The following CNTN4 variants were observed in gnomAD, a reference collection of about 807,000 sequenced individuals.
The protein encoded by CNTN4 is contactin 4, also known as contactin-4.
In CNTN4, 77 loss-of-function variants were observed where a neutral mutation model predicts 122.5. The observed-to-expected ratio is 0.63, with a 90% CI of 0.52 to 0.76. The LOEUF (loss-of-function observed/expected upper bound fraction) is 0.76. Ranked by LOEUF, CNTN4 falls within the 30% of genes least tolerant of loss-of-function variation. CNTN4 has a pLI of 0.00. For synonymous variants in CNTN4, 512 were observed against 447.0 expected (o/e 1.15, Z -1.83); for missense variants, 1,256 against 1,259.1 (o/e 1.00, Z 0.04).
intron 14 of CNTN4, among the ~76,000 whole-genome samples, chr3:3,019,442 G>A (rs147992835): frequency 1.2e-4 from 18 of 152,034 alleles, no homozygotes; most frequent in African/African-American, 4.3e-4. Context: ...GACTACAGGT[G>A]TACCACACTC....
At chr3:2,611,604 T>C (rs1230876554) in intron 4 of CNTN4, among the ~76,000 whole-genome samples, 1 of 152,166 alleles carries the variant, frequency 6.6e-6, no homozygotes, top group Non-Finnish European at 1.5e-5. Flanking sequence ...TTCCCTTTTT[T>C]CCTGGGTTAC....
At chr3:2,604,596 T>G (rs1446367556) in intron 4 of CNTN4, among the ~76,000 whole-genome samples, 1 of 152,110 alleles carries the variant, frequency 6.6e-6, no homozygotes, top group Non-Finnish European at 1.5e-5. Flanking sequence ...TATATGAATA[T>G]CAGTAGGTGA....
intron 3 of CNTN4, among the ~76,000 whole-genome samples, chr3:2,418,099 G>T (rs898669219): frequency 2.6e-5 from 4 of 152,130 alleles, no homozygotes; most frequent in African/African-American, 9.7e-5. Flanking sequence ...AAACCATAGA[G>T]TGTAAAACAT....
At chr3:2,376,467 T>C (rs1457498000) in intron 3 of CNTN4, among the ~76,000 whole-genome samples, 1 of 152,152 alleles carries the variant, frequency 6.6e-6, no homozygotes, top group Non-Finnish European at 1.5e-5. Context: ...AGGAAAGAAT[T>C]CACAGAGGCG....
At chr3:2,914,503 A>G (rs755198145) in intron 12 of CNTN4, among the ~76,000 whole-genome samples, 3 of 152,210 alleles carry the variant, frequency 2.0e-5, no homozygotes, top group Non-Finnish European at 2.9e-5. Context: ...AGACCACTAT[A>G]AATAATTATT....
At chr3:2,868,524 C>A (rs1285405645) in intron 8 of CNTN4, among the ~76,000 whole-genome samples, 1 of 152,164 alleles carries the variant, frequency 6.6e-6, no homozygotes. Context: ...ATGCTCTGAA[C>A]CTGAACCTTC....
At chr3:2,264,517 T>C (rs2040964783) in intron 2 of CNTN4, among the ~76,000 whole-genome samples, 1 of 152,166 alleles carries the variant, frequency 6.6e-6, no homozygotes, top group South Asian at 2.1e-4. Flanking sequence ...TGGTGATTAA[T>C]CTCTTTTCAT....
At chr3:2,383,791 T>C (rs1286661325) in intron 3 of CNTN4, among the ~76,000 whole-genome samples, 2 of 150,654 alleles carry the variant, frequency 1.3e-5, no homozygotes, top group Admixed American at 6.6e-5. Context: ...TCTCCCTTTC[T>C]TTCCTCTCTT....
At chr3:3,032,417 A>G (rs1461745272) in intron 16 of CNTN4, among the ~76,000 whole-genome samples, 1 of 152,280 alleles carries the variant, frequency 6.6e-6, no homozygotes, top group African/African-American at 2.4e-5. Context: ...ATAACATTAA[A>G]TACCAGGAGG....
At chr3:2,550,787 T>TTC (rs2078467554) in intron 3 of CNTN4, among the ~76,000 whole-genome samples, 3 of 152,082 alleles carry the variant, frequency 2.0e-5, no homozygotes, top group Admixed American at 6.6e-5. Flanking sequence ...AGGATGAGCG[T>TTC]ATGTCCTTTG....
intron 3 of CNTN4, among the ~76,000 whole-genome samples, chr3:2,373,632 C>G (rs768110635): frequency 6.6e-6 from 1 of 152,278 alleles, no homozygotes. Flanking sequence ...AATTTAAAAT[C>G]TGTTAATGGG....
intron 6 of CNTN4, among the ~76,000 whole-genome samples, chr3:2,784,020 A>G (rs762585942): frequency 1.8e-4 from 28 of 152,218 alleles, no homozygotes; most frequent in Admixed American, 3.9e-4. Context: ...TTGTCAGGGA[A>G]TAGACTATTC....
intron 2 of CNTN4, among the ~76,000 whole-genome samples, chr3:2,132,903 A>C (rs2034518711): frequency 6.6e-6 from 1 of 152,224 alleles, no homozygotes; most frequent in African/African-American, 2.4e-5. Flanking sequence ...AGCGAGTCAA[A>C]GAACAGTTGG....
chr3:2,170,197 G>A (rs1333516643), intron 2 of CNTN4, among the ~76,000 whole-genome samples: 8 of 148,510 alleles, frequency 5.4e-5, no homozygotes, highest in African/African-American at 1.5e-4. Flanking sequence ...GGCGGCGCCT[G>A]TAGTCCCAGC....
At chr3:2,260,974 G>T (rs2040812489) in intron 2 of CNTN4, among the ~76,000 whole-genome samples, 3 of 151,960 alleles carry the variant, frequency 2.0e-5, no homozygotes, top group Non-Finnish European at 4.4e-5. Context: ...CAAGTGATCT[G>T]CCTGCCTCGG....
intron 2 of CNTN4, among the ~76,000 whole-genome samples, chr3:2,170,516 C>A (rs1016726486): frequency 6.6e-6 from 1 of 152,146 alleles, no homozygotes; most frequent in South Asian, 2.1e-4. Context: ...AATGGGAAGT[C>A]CTGTCATTCT....
intron 2 of CNTN4, among the ~76,000 whole-genome samples, chr3:2,142,397 T>A (rs918844941): frequency 6.6e-6 from 1 of 151,914 alleles, no homozygotes; most frequent in African/African-American, 2.4e-5. Flanking sequence ...TGGCATCTCA[T>A]TCTGTCGCCC....
At chr3:2,194,857 C>T (rs1202247520) in intron 2 of CNTN4, among the ~76,000 whole-genome samples, 3 of 152,134 alleles carry the variant, frequency 2.0e-5, no homozygotes, top group African/African-American at 7.2e-5. Context: ...TGGCCCTGCT[C>T]ACACCTTGAT....
chr3:2,883,193 C>G lies in CNTN4; in HGVS notation c.701C>G (p.Thr234Arg). ...AAAATAGAAGTGCAGTTCCCAGAAA[C>G]AGTTCCGACTGCAAAAGGAGCAACG... The part of the protein sequence containing the change: ...EPKIEVQFPE[T>R]VPTAKGATVK... Residue 234 changes from threonine (T) to arginine (R), a missense_variant, in exon 9 of 25, where the codon ACA becomes AGA. Coordinates refer to ENST00000418658, the MANE Select transcript of CNTN4 (RefSeq NM_175607.3). 1 of 1,613,896 alleles carries G rather than the reference C, an allele frequency of 6.2e-7. No individual in the cohort carries two copies. The highest frequency in any genetic ancestry group is 1.1e-5 in the South Asian group (1 of 91,048).
Sources: gnomAD v4.1 joint callset for allele counts (sites outside exome capture counted in the v4.1 genomes callset) on GRCh38, gnomAD v4.1.1 for gene constraint, MANE v1.5 for transcripts, NCBI Gene and HGNC (gene_info 2026-07-23, HGNC 2026-07-21) for gene names.